The following RBFOX1 variants were observed in gnomAD, a reference collection of about 807,000 sequenced individuals.
RBFOX1 encodes RNA binding fox-1 homolog 1.
Under a neutral mutation model 57.7 loss-of-function variants are expected in RBFOX1, and 8 were observed. That is an observed-to-expected ratio of 0.14 (90% CI 0.08 to 0.25). The LOEUF (loss-of-function observed/expected upper bound fraction) is 0.25, where lower values mean the gene tolerates loss of function less well. Ranked by LOEUF, RBFOX1 falls within the 10% of genes least tolerant of loss-of-function variation. RBFOX1 has a pLI of 1.00. For synonymous variants in RBFOX1, 326 were observed against 222.4 expected (o/e 1.47, Z -4.15); for missense variants, 611 against 548.5 (o/e 1.11, Z -1.14).
At chr16:5,780,355 G>A (rs28373422) in intron 3 of RBFOX1, among the ~76,000 whole-genome samples, 24,614 of 151,748 alleles carry the variant, frequency 0.16, 2,158 homozygotes, top group African/African-American at 0.2. Context: ...ATTTCTTCTG[G>A]GTACAGGAAA....
intron 2 of RBFOX1, among the ~76,000 whole-genome samples, chr16:5,530,260 C>G (rs1359145429): frequency 6.6e-6 from 1 of 152,158 alleles, no homozygotes; most frequent in Non-Finnish European, 1.5e-5. Flanking sequence ...GGCTGCAACA[C>G]CACTATCTCC....
At chr16:7,282,999 A>G (rs1189268415) in intron 4 of RBFOX1, among the ~76,000 whole-genome samples, 1 of 152,100 alleles carries the variant, frequency 6.6e-6, no homozygotes, top group African/African-American at 2.4e-5. Flanking sequence ...CAATGCACTC[A>G]TTGGTTTATG....
At chr16:6,829,680 C>T (rs978455818) in intron 3 of RBFOX1, among the ~76,000 whole-genome samples, 1 of 152,090 alleles carries the variant, frequency 6.6e-6, no homozygotes, top group Admixed American at 6.5e-5. Flanking sequence ...TGGCTCACTA[C>T]AACCTCCGTC....
chr16:5,938,295 C>A (rs1304483434), intron 4 of RBFOX1, among the ~76,000 whole-genome samples: 3 of 152,148 alleles, frequency 2.0e-5, no homozygotes, highest in African/African-American at 7.2e-5. Context: ...TGAGCTAGAC[C>A]AGTGTCTGGA....
chr16:5,259,759 T>C (rs533860542), intron 1 of RBFOX1, among the ~76,000 whole-genome samples: 254 of 152,356 alleles, frequency 1.7e-3, no homozygotes, highest in Middle Eastern at 0.01. Flanking sequence ...AGCCGGGTTA[T>C]GGATCAGCAG....
chr16:5,834,774 G>C (rs55781737), intron 3 of RBFOX1, among the ~76,000 whole-genome samples: 66 of 133,954 alleles, frequency 4.9e-4, no homozygotes, highest in Non-Finnish European at 7.6e-4. Context: ...TACATGCACA[G>C]ATGATAGATA....
intron 12 of RBFOX1, 44 bp from the exon 13 acceptor site, chr16:7,664,885 A>G: frequency 6.2e-7 from 1 of 1,613,882 alleles, no homozygotes; most frequent in Non-Finnish European, 8.5e-7. Flanking sequence ...TGCATGGGAA[A>G]TGCACTAATA....
intron 3 of RBFOX1, among the ~76,000 whole-genome samples, chr16:5,735,840 C>A (rs1326012721): frequency 1.3e-5 from 2 of 152,142 alleles, no homozygotes; most frequent in African/African-American, 4.8e-5. Flanking sequence ...GGCACCACTG[C>A]ACTCCAGCCT....
chr16:7,000,465 GCATT>G (rs2092681438), intron 3 of RBFOX1, among the ~76,000 whole-genome samples: 1 of 151,848 alleles, frequency 6.6e-6, no homozygotes, highest in African/African-American at 2.4e-5. Context: ...TTTGCTAATT[GCATT>G]CTTTCTTCTT....
intron 1 of RBFOX1, among the ~76,000 whole-genome samples, chr16:5,370,613 C>T (rs1270565280): frequency 1.3e-5 from 2 of 152,122 alleles, no homozygotes; most frequent in African/African-American, 4.8e-5. Flanking sequence ...CTGCCTCAGC[C>T]TCCTAAGCAG....
At chr16:5,659,569 C>G (rs1364059100) in intron 3 of RBFOX1, among the ~76,000 whole-genome samples, 1 of 152,222 alleles carries the variant, frequency 6.6e-6, no homozygotes, top group East Asian at 1.9e-4. Context: ...TCCCAAAGTG[C>G]TGGGATTACA....
chr16:5,556,049 A>G (rs900604475), intron 2 of RBFOX1, among the ~76,000 whole-genome samples: 1 of 151,954 alleles, frequency 6.6e-6, no homozygotes, highest in African/African-American at 2.4e-5. Context: ...ACAAACAAAG[A>G]CAAACAACGA....
At chr16:5,408,880 C>T (rs2066933674) in intron 1 of RBFOX1, among the ~76,000 whole-genome samples, 1 of 152,182 alleles carries the variant, frequency 6.6e-6, no homozygotes, top group Non-Finnish European at 1.5e-5. Flanking sequence ...AAGACTGTTC[C>T]AAGAGGAGGG....
chr16:5,821,327 G>T (rs922566599), intron 3 of RBFOX1, among the ~76,000 whole-genome samples: 2 of 123,312 alleles, frequency 1.6e-5, no homozygotes, highest in African/African-American at 3.2e-5. Flanking sequence ...ACGGAGTCTT[G>T]CTGTGTCACC....
At chr16:6,676,970 C>A (rs2057835792) in intron 3 of RBFOX1, among the ~76,000 whole-genome samples, 1 of 152,010 alleles carries the variant, frequency 6.6e-6, no homozygotes, top group African/African-American at 2.4e-5. Context: ...GCCACCATGC[C>A]CAGCCGTTAA....
chr16:5,885,537 A>G (rs937886693), intron 4 of RBFOX1, among the ~76,000 whole-genome samples: 1 of 152,034 alleles, frequency 6.6e-6, no homozygotes, highest in African/African-American at 2.4e-5. Context: ...GTTTTTCAGA[A>G]TCTCCTTTCC....
At chr16:6,774,439 A>G (rs1264873957) in intron 3 of RBFOX1, among the ~76,000 whole-genome samples, 1 of 152,176 alleles carries the variant, frequency 6.6e-6, no homozygotes, top group Non-Finnish European at 1.5e-5. Context: ...AATAGGTTCC[A>G]GAAGCAAATT....
At chr16:6,598,661 T>A (rs2154002394) in intron 2 of RBFOX1, among the ~76,000 whole-genome samples, 1 of 152,280 alleles carries the variant, frequency 6.6e-6, no homozygotes, top group South Asian at 2.1e-4. Flanking sequence ...GAATACGTAG[T>A]GGCTGGCTGG....
intron 4 of RBFOX1, among the ~76,000 whole-genome samples, chr16:7,410,157 G>A (rs1279952750): frequency 6.6e-6 from 1 of 151,318 alleles, no homozygotes; most frequent in South Asian, 2.1e-4. Context: ...CTTTCCTACA[G>A]CGCAACTTAA....
Sources: allele counts gnomAD v4.1 joint callset (sites outside exome capture counted in the v4.1 genomes callset), GRCh38; gene constraint gnomAD v4.1.1; transcripts MANE v1.5; gene names NCBI Gene and HGNC (gene_info 2026-07-23, HGNC 2026-07-21).